CNOT2: variants seen among roughly 807,000 people sequenced by gnomAD.
CNOT2 encodes the protein CCR4-NOT transcription complex subunit 2.
A neutral mutation model predicts 72.1 loss-of-function variants in CNOT2; 7 were observed. The ratio of observed to expected loss-of-function variants is 0.10; its 90% CI spans 0.06 to 0.18. The LOEUF (loss-of-function observed/expected upper bound fraction) is 0.18, where lower values mean the gene tolerates loss of function less well. Ranked by LOEUF, CNOT2 falls within the 10% of genes least tolerant of loss-of-function variation. CNOT2 has a pLI of 1.00. For missense variants in CNOT2, 345 were observed against 660.3 expected (o/e 0.52, Z 5.23); for synonymous variants, 196 against 225.6 (o/e 0.87, Z 1.17).
At chr12:70,260,989 G>GTATAT (rs1309701479) in intron 1 of CNOT2, among the ~76,000 whole-genome samples, 1 of 151,476 alleles carries the variant, frequency 6.6e-6, no homozygotes, top group Non-Finnish European at 1.5e-5. Context: ...TCACCTTTGA[G>GTATAT]TATATACCTG....
chr12:70,262,080 C>G (rs1225577703), intron 1 of CNOT2, among the ~76,000 whole-genome samples: 1 of 151,836 alleles, frequency 6.6e-6, no homozygotes, highest in Non-Finnish European at 1.5e-5. Context: ...GTTTTTAGTA[C>G]TTTGAGTTTT....
intron 15 of CNOT2, among the ~76,000 whole-genome samples, chr12:70,351,569 T>C (rs1359991864): frequency 1.3e-5 from 2 of 152,186 alleles, no homozygotes; most frequent in African/African-American, 4.8e-5. Context: ...TATATTTTTC[T>C]GGGGGAAAAT....
chr12:70,278,145 G>A lies in CNOT2; in HGVS notation c.-82G>A, dbSNP rs1869175332. On this transcript the variant is annotated 5_prime_UTR_variant, in exon 2 of 16. Coordinates refer to ENST00000229195, the MANE Select transcript of CNOT2 (RefSeq NM_014515.7). ...ATTCCACTCTAGAGGGAGACGTGGT[G>A]GGCGGTCCTTCCTGTGACACGACCC... 1 of 961,252 alleles carries A rather than the reference G, an allele frequency of 1.0e-6. No homozygotes were observed. Among genetic ancestry groups the A allele is most frequent in the South Asian group, 1.4e-5 (1 of 72,424 alleles). The allele number at this position is 961,252 out of a possible 1,614,324, so 59.5% of individuals were successfully genotyped here.
chr12:70,346,312 G>A lies in CNOT2; in HGVS notation c.1524G>A (p.Arg508=). 1 of 1,612,040 alleles carries A rather than the reference G, an allele frequency of 6.2e-7. No individual in the cohort carries two copies. The change falls in exon 15 of 16, where the codon AGG becomes AGA. Residue 508 remains arginine, a synonymous_variant. Transcript: ENST00000229195. Reference sequence around the variant, plus strand: ...ACTTCTTTGACTGTCTTAACTGGAGGAAAGTAGCTAAGGTATATTTCTTTC... The same window carrying A: ...ACTTCTTTGACTGTCTTAACTGGAGAAAAGTAGCTAAGGTATATTTCTTTC... ...TYYFFDCLNW[R]KVAKEFHLEY...
intron 1 of CNOT2, among the ~76,000 whole-genome samples, chr12:70,258,058 CTGAA>C (rs1038424142): frequency 2.6e-5 from 4 of 152,066 alleles, no homozygotes; most frequent in Non-Finnish European, 5.9e-5. Context: ...GGCTTTTTCT[CTGAA>C]GAAGCAATAT....
At chr12:70,332,668 G>T in intron 6 of CNOT2, 99 bp from the exon 7 acceptor site, 2 of 1,365,092 alleles carry the variant, frequency 1.5e-6, no homozygotes, top group Non-Finnish European at 1.9e-6. Flanking sequence ...GAAACATATT[G>T]TTATTTTATA....
chr12:70,290,233 T>TG (rs1871649110), intron 2 of CNOT2, among the ~76,000 whole-genome samples: 1 of 152,020 alleles, frequency 6.6e-6, no homozygotes, highest in African/African-American at 2.4e-5. Flanking sequence ...GGCCTTTTTT[T>TG]TTTGTTTTTT....
At chr12:70,304,478 G>C (rs1018132105) in intron 2 of CNOT2, among the ~76,000 whole-genome samples, 1 of 152,336 alleles carries the variant, frequency 6.6e-6, no homozygotes, top group East Asian at 1.9e-4. Context: ...TCCAGACCCT[G>C]TTTGCCTGGG....
chr12:70,252,955 A>G (rs1206992292), intron 1 of CNOT2, among the ~76,000 whole-genome samples: 3 of 152,124 alleles, frequency 2.0e-5, no homozygotes, highest in East Asian at 1.9e-4. Context: ...AGAGTGCACT[A>G]TACTCTTTTT....
At chr12:70,243,529 G>T (rs1193397413) in intron 1 of CNOT2, 49 bp downstream of exon 1, 1 of 152,536 alleles carries the variant, frequency 6.6e-6, no homozygotes, top group African/African-American at 2.4e-5. Flanking sequence ...GCGCGCGGCG[G>T]GGGCGGCAGA....
At position 70,306,836 on chromosome 12, in the gene CNOT2, C is replaced by T. The variant is rs1875492383; in HGVS notation, c.49-4059C>T. 3.3e-5 allele frequency among the ~76,000 whole-genome samples: 5 copies of T among 152,186 alleles called. No homozygotes were observed. The South Asian group carries it at 1.0e-3, about 32-fold the overall frequency. On this transcript the variant is annotated intron_variant, in intron 2 of 15. Transcript: ENST00000229195. ...AGTACATTCTGAGAAATGCGTCAGGCACTTTTGTGAATGTGGACCATACTT... is the reference window on the plus strand; with the variant it reads ...AGTACATTCTGAGAAATGCGTCAGGTACTTTTGTGAATGTGGACCATACTT...
At chr12:70,332,519 A>G (rs1880111017) in intron 6 of CNOT2, 3 of 383,434 alleles carry the variant, frequency 7.8e-6, no homozygotes, top group South Asian at 2.0e-4. Flanking sequence ...CAAGGTTCAT[A>G]TATAAATTTT....
At chr12:70,255,000 A>G (rs1273004345) in intron 1 of CNOT2, among the ~76,000 whole-genome samples, 1 of 146,546 alleles carries the variant, frequency 6.8e-6, no homozygotes, top group Non-Finnish European at 1.5e-5. Context: ...AAAAAAAAAG[A>G]AGAAGAAGAA....
rs2136045214 is a variant in CNOT2 at position 70,335,995 on chromosome 12, T to C, written c.775+432T>C. ...CCAAGGTTTTTCTCAACCTCCACACTGTTGACATTTGGGCCAGGTAATTCT... is the reference window on the plus strand; with the variant it reads ...CCAAGGTTTTTCTCAACCTCCACACCGTTGACATTTGGGCCAGGTAATTCT... On this transcript the variant is annotated intron_variant, in intron 8 of 15. Transcript: ENST00000229195. 4 of 156,356 alleles carry C rather than the reference T, an allele frequency of 2.6e-5. No individual in the cohort carries two copies. In the South Asian group the frequency reaches 7.7e-4, roughly 30 times the overall value. 9.7% of individuals were successfully genotyped at this position (156,356 alleles called of 1,614,324 possible). A position where few individuals can be genotyped will look rare whatever the true frequency, so the allele number is the denominator to read the frequency against.
chr12:70,319,294 C>A lies in CNOT2; in HGVS notation c.172-4C>A. 1 of 1,608,226 alleles carries A rather than the reference C, an allele frequency of 6.2e-7. No homozygotes were observed. Among genetic ancestry groups the A allele is most frequent in the Non-Finnish European group, 8.5e-7 (1 of 1,176,088 alleles). ...ATGCTCTAATATAATTAATTTGTTT[C>A]TAGATGCTGGCATCACCATCTACAT... On this transcript the variant is annotated splice_region_variant and splice_polypyrimidine_tract_variant and intron_variant, in intron 3 of 15. Coordinates refer to ENST00000229195, the MANE Select transcript of CNOT2 (RefSeq NM_014515.7).
chr12:70,260,853 A>ATTT (rs55908570), intron 1 of CNOT2, among the ~76,000 whole-genome samples: 3,611 of 135,688 alleles, frequency 0.027, 74 homozygotes, highest in African/African-American at 0.053. Flanking sequence ...GATGCATTCT[A>ATTT]TTTTTTTTTT....
At chr12:70,266,800 C>CT (rs1327308104) in intron 1 of CNOT2, among the ~76,000 whole-genome samples, 2 of 151,712 alleles carry the variant, frequency 1.3e-5, no homozygotes, top group Admixed American at 1.3e-4. Flanking sequence ...CATGGTATAT[C>CT]TTTTTTCACC....
In CNOT2 at chr12:70,338,660, A is replaced by T; in HGVS notation, c.1022-6A>T. 6.2e-7 allele frequency: 1 copy of T among 1,609,180 alleles called. No homozygotes were observed. The highest frequency in any genetic ancestry group is 1.7e-4 in the Middle Eastern group (1 of 6,012). On this transcript the variant is annotated splice_region_variant and splice_polypyrimidine_tract_variant and intron_variant, in intron 10 of 15. Transcript: ENST00000229195. ...AAATAAAAGCAACTGTGTTTTTCCT[A>T]CCCAGGTCGGGTTACTAACATTCCT...
chr12:70,269,290 CTT>C (rs373858702), intron 1 of CNOT2, among the ~76,000 whole-genome samples: 39 of 139,484 alleles, frequency 2.8e-4, no homozygotes, highest in African/African-American at 8.1e-4. Flanking sequence ...TTTTTTTAAG[CTT>C]TTTTTTTTTT....
Sources: gnomAD v4.1 joint callset for allele counts (sites outside exome capture counted in the v4.1 genomes callset) on GRCh38, gnomAD v4.1.1 for gene constraint, MANE v1.5 for transcripts, NCBI Gene and HGNC (gene_info 2026-07-23, HGNC 2026-07-21) for gene names.